RBMS3: variants seen among roughly 807,000 people sequenced by gnomAD.
RBMS3 encodes the protein RNA binding motif single stranded interacting protein 3, also known as RNA-binding motif, single-stranded-interacting protein 3.
RBMS3 carries 27 observed loss-of-function variants against 66.8 expected under a neutral mutation model. That is an observed-to-expected ratio of 0.40 (90% confidence interval 0.30 to 0.56). The LOEUF (loss-of-function observed/expected upper bound fraction) is 0.56, where lower values mean the gene tolerates loss of function less well. RBMS3 is among the 20% of genes least tolerant of loss of function. The pLI is 0.40. For missense variants in RBMS3, 513 were observed against 549.5 expected (o/e 0.93, Z 0.66); for synonymous variants, 188 against 183.0 (o/e 1.03, Z -0.22).
At chr3:29,455,595 T>C (rs898589739) in intron 2 of RBMS3, among the ~76,000 whole-genome samples, 14 of 152,180 alleles carry the variant, frequency 9.2e-5, no homozygotes, top group African/African-American at 3.1e-4. Context: ...TGTTAATTCA[T>C]TGACATTTGT....
chr3:29,748,694 A>C (rs2055037950), intron 5 of RBMS3, among the ~76,000 whole-genome samples: 1 of 152,112 alleles, frequency 6.6e-6, no homozygotes, highest in Admixed American at 6.5e-5. Context: ...GGTTGGATAA[A>C]TTTTGCATAC....
chr3:29,694,137 T>C (rs1360265351), intron 4 of RBMS3, among the ~76,000 whole-genome samples: 1 of 151,410 alleles, frequency 6.6e-6, no homozygotes, highest in Admixed American at 6.6e-5. Flanking sequence ...CTCTGGAGAG[T>C]GAGGCAGGTT....
intron 2 of RBMS3, among the ~76,000 whole-genome samples, chr3:29,450,154 T>C (rs2041967160): frequency 6.6e-6 from 1 of 152,166 alleles, no homozygotes; most frequent in Non-Finnish European, 1.5e-5. Flanking sequence ...GGAGTGGTTA[T>C]GCCCACTACA....
chr3:29,472,966 T>C (rs1055739341), intron 2 of RBMS3, among the ~76,000 whole-genome samples: 2 of 97,480 alleles, frequency 2.1e-5, no homozygotes, highest in African/African-American at 4.5e-5. Context: ...AGGGCGCTGA[T>C]TGGTGTGTTT....
intron 6 of RBMS3, among the ~76,000 whole-genome samples, chr3:29,819,120 G>A (rs2058003347): frequency 6.6e-6 from 1 of 152,168 alleles, no homozygotes; most frequent in South Asian, 2.1e-4. Context: ...AACATCAAGT[G>A]TTCTATTCTT....
chr3:29,524,415 A>ATTTTTTTTTTTTTT lies in RBMS3; in HGVS notation c.307+35932_307+35945dup, dbSNP rs1222102515. Among the ~76,000 whole-genome samples the ATTTTTTTTTTTTTT allele has an allele frequency of 1.9e-4, 11 of 57,110 alleles. 2 individuals are homozygous for ATTTTTTTTTTTTTT. The highest frequency in any genetic ancestry group is 1.9e-3 in the South Asian group (2 of 1,080). The allele number at this position is 57,110 out of a possible 152,430, so 37.5% of individuals were successfully genotyped here. ...GGAAGATATGAGTGACTCCCTTTACATTTTTTTTTTTTTTTTTTTTTTTTT... is the reference window on the plus strand; with the variant it reads ...GGAAGATATGAGTGACTCCCTTTACATTTTTTTTTTTTTTTTTTTTTTTTTTTTTTTTTTTTTTT... On this transcript the variant is annotated intron_variant, in intron 3 of 14. Transcript: ENST00000383767.
intron 3 of RBMS3, among the ~76,000 whole-genome samples, chr3:29,541,317 A>G (rs9883294): frequency 0.26 from 39,457 of 151,958 alleles, 7,119 homozygotes; most frequent in African/African-American, 0.5. Flanking sequence ...CCCATCTCAC[A>G]GTTTTTCTTC....
chr3:29,741,040 C>CAA (rs369719098), intron 5 of RBMS3, among the ~76,000 whole-genome samples: 1,216 of 90,874 alleles, frequency 0.013, 26 homozygotes, highest in African/African-American at 0.043. Context: ...GACTCCATCT[C>CAA]AAAAAAAAAA....
intron 12 of RBMS3, among the ~76,000 whole-genome samples, chr3:29,956,377 T>C (rs1312865019): frequency 6.6e-6 from 1 of 152,076 alleles, no homozygotes; most frequent in Non-Finnish European, 1.5e-5. Context: ...CCACCTTCTA[T>C]GAGATATTTG....
chr3:29,409,102 A>G (rs754602253), intron 1 of RBMS3, among the ~76,000 whole-genome samples: 71 of 152,382 alleles, frequency 4.7e-4, no homozygotes, highest in Middle Eastern at 6.8e-3. Flanking sequence ...TTAGCTGTCC[A>G]TTAGAATCTC....
In RBMS3 at chr3:29,408,271, C is replaced by CA. The variant is rs10708935; in HGVS notation, c.76-26451dup. Reference sequence around the variant, plus strand: ...TGGATGACAGAGCGAGACTCCATCTCAAAAAAAAAAAAAAAAAAAAAGGAA... The same window carrying CA: ...TGGATGACAGAGCGAGACTCCATCTCAAAAAAAAAAAAAAAAAAAAAAGGAA... On this transcript the variant is annotated intron_variant, in intron 1 of 14. Coordinates refer to ENST00000383767, the MANE Select transcript of RBMS3 (RefSeq NM_001003793.3). Among the ~76,000 whole-genome samples, 611 of 74,008 alleles carry CA rather than the reference C, an allele frequency of 8.3e-3. 5 individuals carry two copies. The highest frequency in any genetic ancestry group is 0.01 in the Non-Finnish European group (360 of 35,858). The allele number at this position is 74,008 out of a possible 152,430, so 48.6% of individuals were successfully genotyped here.
At chr3:29,719,344 C>T (rs923232918) in intron 4 of RBMS3, among the ~76,000 whole-genome samples, 1 of 151,904 alleles carries the variant, frequency 6.6e-6, no homozygotes, top group Non-Finnish European at 1.5e-5. Context: ...TTGGGCAAGT[C>T]TTTTCTTACC....
At chr3:30,002,094 C>A (rs1699639759) in intron 14 of RBMS3, among the ~76,000 whole-genome samples, 1 of 151,962 alleles carries the variant, frequency 6.6e-6, no homozygotes, top group African/African-American at 2.4e-5. Flanking sequence ...GCAATGGGAC[C>A]ATTTTAAAGA....
intron 1 of RBMS3, among the ~76,000 whole-genome samples, chr3:29,321,843 G>A (rs1229423980): frequency 3.3e-5 from 5 of 152,200 alleles, no homozygotes; most frequent in Admixed American, 6.5e-5. Context: ...GGGCACACTC[G>A]TCCTCTCTGA....
chr3:29,774,023 C>T (rs2056327808), intron 6 of RBMS3, among the ~76,000 whole-genome samples: 1 of 152,038 alleles, frequency 6.6e-6, no homozygotes, highest in African/African-American at 2.4e-5. Flanking sequence ...GTTTCAAAGT[C>T]TGTTTCTGGT....
chr3:29,539,871 C>G (rs2149009032), intron 3 of RBMS3, among the ~76,000 whole-genome samples: 1 of 152,278 alleles, frequency 6.6e-6, no homozygotes, highest in South Asian at 2.1e-4. Context: ...TTGGATTATT[C>G]ACAGAAGGTA....
intron 8 of RBMS3, among the ~76,000 whole-genome samples, chr3:29,889,451 G>A (rs2059948975): frequency 6.6e-6 from 1 of 151,592 alleles, no homozygotes; most frequent in African/African-American, 2.4e-5. Context: ...CCTGCCCAGG[G>A]ATGCATCCAA....
At chr3:29,287,907 T>A (rs189104810) in intron 1 of RBMS3, among the ~76,000 whole-genome samples, 3 of 152,148 alleles carry the variant, frequency 2.0e-5, no homozygotes, top group African/African-American at 7.2e-5. Context: ...TGCTTGGTTT[T>A]GTTTTTATTT....
intron 3 of RBMS3, among the ~76,000 whole-genome samples, chr3:29,504,975 T>C (rs2044126475): frequency 6.6e-6 from 1 of 152,106 alleles, no homozygotes; most frequent in African/African-American, 2.4e-5. Context: ...ATTAGATCTA[T>C]GGTTTGCAAA....
Sources: allele counts gnomAD v4.1 joint callset (sites outside exome capture counted in the v4.1 genomes callset), GRCh38; gene constraint gnomAD v4.1.1; transcripts MANE v1.5; gene names NCBI Gene and HGNC (gene_info 2026-07-23, HGNC 2026-07-21).